PXDNL: variants seen among roughly 807,000 people sequenced by gnomAD.
PXDNL encodes the protein peroxidasin like, also known as probable oxidoreductase PXDNL.
In PXDNL, 145 loss-of-function variants were observed where a neutral mutation model predicts 150.8. The ratio of observed to expected loss-of-function variants is 0.96; its 90% CI spans 0.84 to 1.10. The LOEUF is 1.10. PXDNL is among the 50% of genes least tolerant of loss of function. PXDNL has a pLI of 0.00. For missense variants in PXDNL, 2,087 were observed against 1,873.9 expected, an observed-to-expected ratio of 1.11 and a Z score of -2.10; for synonymous variants, 757 against 725.7, an observed-to-expected ratio of 1.04 and a Z score of -0.69.
chr8:51,349,562 C>T (rs28523681), intron 19 of PXDNL, among the ~76,000 whole-genome samples: 86 of 152,344 alleles, frequency 5.6e-4, no homozygotes, highest in Middle Eastern at 3.4e-3. Flanking sequence ...CCTTGTCCTA[C>T]CTACCGGTTA....
intron 5 of PXDNL, among the ~76,000 whole-genome samples, chr8:51,493,957 T>G (rs202103419): frequency 8.4e-4 from 111 of 132,720 alleles, no homozygotes; most frequent in Admixed American, 1.3e-3. Flanking sequence ...TCAAGAAGAG[T>G]AACTCCAAGA....
In PXDNL at chr8:51,630,590, C is replaced by A. The variant is rs1331424378; in HGVS notation, c.236+24099G>T. ...TAAGGAATGTAAAGAAATCACCAAGCAAACCACAAACAACCCCGTTAAAAA... is the reference window on the plus strand; with the variant it reads ...TAAGGAATGTAAAGAAATCACCAAGAAAACCACAAACAACCCCGTTAAAAA... On this transcript the variant is annotated intron_variant, in intron 2 of 22. Coordinates refer to ENST00000356297, the MANE Select transcript of PXDNL (RefSeq NM_144651.5). 2.0e-5 allele frequency among the ~76,000 whole-genome samples: 3 copies of A among 151,936 alleles called. No individual in the cohort carries two copies. In the East Asian group the frequency reaches 5.8e-4, roughly 29 times the overall value.
intron 1 of PXDNL, among the ~76,000 whole-genome samples, chr8:51,682,593 C>A (rs1175224624): frequency 6.6e-6 from 1 of 152,186 alleles, no homozygotes; most frequent in Non-Finnish European, 1.5e-5. Context: ...GCCACTTATT[C>A]TCCCCTAACC....
chr8:51,462,176 GATAAAGGAA>G lies in PXDNL; in HGVS notation c.813-4518_813-4510del, dbSNP rs563075890. Among the ~76,000 whole-genome samples, 400 of 152,234 alleles carry G rather than the reference GATAAAGGAA, an allele frequency of 2.6e-3. 2 individuals are homozygous for G. Among genetic ancestry groups the G allele is most frequent in the African/African-American group, 8.9e-3 (370 of 41,530 alleles). On this transcript the variant is annotated intron_variant, in intron 8 of 22. Transcript: ENST00000356297. ...ATACAACTGACAGCAACTTCAAAGA[GATAAAGGAA>G]CACCAGCCCTCTCAAATGAGTAAGA...
At chr8:51,455,015 A>C (rs1227272048) in intron 9 of PXDNL, among the ~76,000 whole-genome samples, 2 of 94,884 alleles carry the variant, frequency 2.1e-5, no homozygotes, top group Non-Finnish European at 3.9e-5. Flanking sequence ...AGGCTGAGGC[A>C]GGAGAATGGC....
chr8:51,752,738 T>C (rs992251690), intron 1 of PXDNL, among the ~76,000 whole-genome samples: 1 of 152,216 alleles, frequency 6.6e-6, no homozygotes, highest in African/African-American at 2.4e-5. Context: ...GATATTTGTA[T>C]ATAAGAAAGC....
chr8:51,417,703 A>C (rs1305972283), intron 14 of PXDNL, among the ~76,000 whole-genome samples: 2 of 152,174 alleles, frequency 1.3e-5, no homozygotes, highest in Non-Finnish European at 2.9e-5. Context: ...TTTCCCTATA[A>C]AGAGTGATGC....
chr8:51,636,697 G>T (rs1042654685), intron 2 of PXDNL, among the ~76,000 whole-genome samples: 1 of 151,684 alleles, frequency 6.6e-6, no homozygotes, highest in African/African-American at 2.4e-5. Flanking sequence ...CTAAATAAAT[G>T]AAAAAGGATT....
intron 4 of PXDNL, among the ~76,000 whole-genome samples, chr8:51,519,448 G>GT (rs2130376745): frequency 1.3e-5 from 2 of 152,142 alleles, no homozygotes; most frequent in East Asian, 3.9e-4. Context: ...CAGGAGAATT[G>GT]CTTGAACCTG....
chr8:51,355,826 C>T (rs1415833427), intron 19 of PXDNL, among the ~76,000 whole-genome samples: 1 of 152,182 alleles, frequency 6.6e-6, no homozygotes, highest in East Asian at 1.9e-4. Context: ...TTAGCTGATA[C>T]TGAAAATTAA....
At chr8:51,325,172 C>T (rs972513732) in intron 21 of PXDNL, among the ~76,000 whole-genome samples, 1 of 152,178 alleles carries the variant, frequency 6.6e-6, no homozygotes. Context: ...CTTATGACTG[C>T]TTTGAAATCT....
In PXDNL at chr8:51,372,022, G is replaced by A. The variant is rs1308770951; in HGVS notation, c.3752C>T (p.Ala1251Val). 2.5e-6 allele frequency: 4 copies of A among 1,611,422 alleles called. No individual in the cohort carries two copies. The highest frequency in any genetic ancestry group is 1.3e-5 in the African/African-American group (1 of 74,842). The change falls in exon 19 of 23, where the codon GCG becomes GTG. Residue 1251 changes from alanine to valine, a missense_variant. By Grantham distance (64) the Ala-to-Val change is moderately conservative (BLOSUM62 0). Transcript: ENST00000356297. ...TPAQLTQLKQ[A>V]SLSRVLCDNG... ...GTCACAAAGCACCCGGCTCAGGGACGCCTGCTTCAGCTGAGTGAGTTGTGC... is the reference window on the plus strand; with the variant it reads ...GTCACAAAGCACCCGGCTCAGGGACACCTGCTTCAGCTGAGTGAGTTGTGC...
At chr8:51,360,305 G>A (rs1310892681) in intron 19 of PXDNL, among the ~76,000 whole-genome samples, 1 of 151,928 alleles carries the variant, frequency 6.6e-6, no homozygotes, top group African/African-American at 2.4e-5. Flanking sequence ...CCATACATGT[G>A]CATGCTTACA....
At chr8:51,581,513 A>ATAAATAAATAAT (rs538220379) in intron 3 of PXDNL, among the ~76,000 whole-genome samples, 2 of 151,874 alleles carry the variant, frequency 1.3e-5, no homozygotes, top group African/African-American at 4.8e-5. Context: ...AAATAAATAA[A>ATAAATAAATAAT]TTTTAAAAAT....
chr8:51,404,975 G>T (rs1052692592), intron 17 of PXDNL, among the ~76,000 whole-genome samples: 1 of 152,194 alleles, frequency 6.6e-6, no homozygotes, highest in Non-Finnish European at 1.5e-5. Context: ...GCCCCGCAGG[G>T]AGGCAGCTGA....
chr8:51,592,910 T>C (rs889826981), intron 2 of PXDNL, among the ~76,000 whole-genome samples: 1 of 152,288 alleles, frequency 6.6e-6, no homozygotes, highest in South Asian at 2.1e-4. Flanking sequence ...TTTATATTCA[T>C]TAAATTACCC....
chr8:51,726,293 C>A (rs1051645265), intron 1 of PXDNL, among the ~76,000 whole-genome samples: 1 of 152,202 alleles, frequency 6.6e-6, no homozygotes. Context: ...GGCCCAAAGT[C>A]CCTTAACTAG....
intron 4 of PXDNL, among the ~76,000 whole-genome samples, chr8:51,529,013 T>C (rs555021211): frequency 6.6e-6 from 1 of 152,316 alleles, no homozygotes; most frequent in East Asian, 1.9e-4. Context: ...TTGTGGTGAT[T>C]TGTTATGGGA....
intron 12 of PXDNL, among the ~76,000 whole-genome samples, chr8:51,432,293 A>G (rs1809268193): frequency 1.3e-5 from 2 of 152,184 alleles, no homozygotes; most frequent in Admixed American, 1.3e-4. Context: ...CTCTTTGGTA[A>G]GTTGTTAATC....
Sources: allele counts gnomAD v4.1 joint callset (sites outside exome capture counted in the v4.1 genomes callset), GRCh38; gene constraint gnomAD v4.1.1; transcripts MANE v1.5; gene names NCBI Gene and HGNC (gene_info 2026-07-23, HGNC 2026-07-21).